Variants in TRDN observed in about 807,000 individuals in gnomAD.
The protein encoded by TRDN is triadin, also known as triadin in skeletal muscle.
A neutral mutation model predicts 149.7 loss-of-function variants in TRDN; 161 were observed. That is an observed-to-expected ratio of 1.08 (90% CI 0.95 to 1.23). The LOEUF (loss-of-function observed/expected upper bound fraction) is 1.23, where lower values mean the gene tolerates loss of function less well. TRDN is among the 50% of genes most tolerant of loss of function. The pLI is 0.00. For missense variants in TRDN, 896 were observed against 823.5 expected, an observed-to-expected ratio of 1.09 and a Z score of -1.08; for synonymous variants, 294 against 250.5, an observed-to-expected ratio of 1.17 and a Z score of -1.64.
At chr6:123,517,877 T>C (rs1030466520) in intron 5 of TRDN, among the ~76,000 whole-genome samples, 2 of 152,188 alleles carry the variant, frequency 1.3e-5, no homozygotes, top group African/African-American at 4.8e-5. Context: ...AATTCAATAA[T>C]AATATTGATA....
At chr6:123,586,123 C>T (rs1278580790) in intron 1 of TRDN, among the ~76,000 whole-genome samples, 1 of 152,026 alleles carries the variant, frequency 6.6e-6, no homozygotes, top group Admixed American at 6.6e-5. Context: ...TCTAAATGCT[C>T]ACTGATTTGG....
chr6:123,334,162 A>G (rs776603299), intron 22 of TRDN, among the ~76,000 whole-genome samples: 7 of 151,998 alleles, frequency 4.6e-5, no homozygotes, highest in Non-Finnish European at 8.8e-5. Flanking sequence ...TGTTGAGTGG[A>G]AATGGCCAAG....
intron 1 of TRDN, among the ~76,000 whole-genome samples, chr6:123,572,694 G>T (rs552089280): frequency 6.6e-6 from 1 of 151,932 alleles, no homozygotes. Context: ...AAATATTTTT[G>T]CCAAAAGCAA....
intron 24 of TRDN, among the ~76,000 whole-genome samples, chr6:123,297,584 A>C (rs1205193929): frequency 1.3e-5 from 2 of 152,022 alleles, no homozygotes; most frequent in East Asian, 3.9e-4. Context: ...GTCTCCCAAG[A>C]ATTTTTGGCC....
At chr6:123,338,522 T>C (rs1464707807) in intron 21 of TRDN, among the ~76,000 whole-genome samples, 2 of 152,120 alleles carry the variant, frequency 1.3e-5, no homozygotes, top group African/African-American at 4.8e-5. Flanking sequence ...GCAGTCCAAC[T>C]AACAGCCCCA....
chr6:123,330,397 A>G (rs1366629718), intron 23 of TRDN, among the ~76,000 whole-genome samples: 1 of 152,012 alleles, frequency 6.6e-6, no homozygotes, highest in Non-Finnish European at 1.5e-5. Flanking sequence ...CAATTAATTT[A>G]AACTTTGAAT....
chr6:123,383,557 G>T (rs1781798502), intron 14 of TRDN, among the ~76,000 whole-genome samples: 1 of 151,966 alleles, frequency 6.6e-6, no homozygotes, highest in Non-Finnish European at 1.5e-5. Context: ...GAGTGTTGAT[G>T]AATTTGTGGT....
chr6:123,337,814 G>A (rs1182131136), intron 21 of TRDN, 145 bp from the exon 22 acceptor site: 1 of 498,932 alleles, frequency 2.0e-6, no homozygotes, highest in African/African-American at 2.0e-5. Context: ...CCAGGCATAT[G>A]TTGTCTATAA....
At chr6:123,572,855 C>T (rs531597412) in intron 1 of TRDN, among the ~76,000 whole-genome samples, 1 of 152,104 alleles carries the variant, frequency 6.6e-6, no homozygotes. Flanking sequence ...TGCAACATCT[C>T]TATGTGATGG....
intron 34 of TRDN, among the ~76,000 whole-genome samples, chr6:123,260,273 T>A (rs1776717979): frequency 6.6e-6 from 1 of 152,060 alleles, no homozygotes; most frequent in African/African-American, 2.4e-5. Context: ...ATTAAAGCAA[T>A]AAAAATGTAA....
At chr6:123,398,097 G>A (rs562139856) in intron 12 of TRDN, among the ~76,000 whole-genome samples, 1 of 152,246 alleles carries the variant, frequency 6.6e-6, no homozygotes, top group African/African-American at 2.4e-5. Flanking sequence ...CTCCGCCTCC[G>A]GAGTTCAGGC....
chr6:123,375,096 T>C (rs1352475866), intron 19 of TRDN, among the ~76,000 whole-genome samples: 1 of 152,208 alleles, frequency 6.6e-6, no homozygotes, highest in Non-Finnish European at 1.5e-5. Context: ...AAAGTTACCA[T>C]TGCTGCAAAT....
chr6:123,419,147 G>T (rs529594737), intron 12 of TRDN, among the ~76,000 whole-genome samples: 1 of 151,914 alleles, frequency 6.6e-6, no homozygotes, highest in Admixed American at 6.6e-5. Flanking sequence ...GCCATGTCTC[G>T]GGTAGCTGAG....
chr6:123,515,932 G>A (rs1779390823), intron 6 of TRDN, among the ~76,000 whole-genome samples: 2 of 152,214 alleles, frequency 1.3e-5, no homozygotes, highest in African/African-American at 4.8e-5. Flanking sequence ...TTTCTGGAAA[G>A]TTACCACTTT....
At chr6:123,258,472 C>T (rs954419755) in intron 35 of TRDN, among the ~76,000 whole-genome samples, 7 of 152,072 alleles carry the variant, frequency 4.6e-5, no homozygotes, top group Admixed American at 1.3e-4. Context: ...GCCTTGCATC[C>T]CAGGGATGAA....
chr6:123,438,605 C>G (rs1216964886), intron 11 of TRDN, among the ~76,000 whole-genome samples: 1 of 151,942 alleles, frequency 6.6e-6, no homozygotes, highest in Admixed American at 6.6e-5. Context: ...CATAAAATGA[C>G]TTTTAAAATT....
In TRDN at chr6:123,593,197, A is replaced by G. The variant is rs144160789; in HGVS notation, c.23-22065T>C. On this transcript the variant is annotated intron_variant, in intron 1 of 40. Transcript: ENST00000334268. ...AAATTGATCACAATTACATTGCTAT[A>G]GGTTTATATAACATCTCTGCACCAG... Among the ~76,000 whole-genome samples the G allele has an allele frequency of 2.0e-5, 3 of 152,360 alleles. No homozygotes were observed. In the East Asian group the frequency reaches 5.8e-4, roughly 29 times the overall value.
intron 1 of TRDN, among the ~76,000 whole-genome samples, chr6:123,632,531 A>G (rs373604992): frequency 9.7e-4 from 147 of 152,144 alleles, no homozygotes; most frequent in African/African-American, 3.3e-3. Context: ...TGTGCCTTTC[A>G]CCATCGTGGT....
intron 26 of TRDN, among the ~76,000 whole-genome samples, chr6:123,277,500 C>T (rs1463607098): frequency 6.6e-6 from 1 of 152,068 alleles, no homozygotes; most frequent in African/African-American, 2.4e-5. Context: ...AAGATGTGGT[C>T]ATGGGGCAGT....
Sources: allele counts gnomAD v4.1 joint callset (sites outside exome capture counted in the v4.1 genomes callset), GRCh38; gene constraint gnomAD v4.1.1; transcripts MANE v1.5; gene names NCBI Gene and HGNC (gene_info 2026-07-23, HGNC 2026-07-21).